The following PMFBP1 variants were observed in gnomAD, a reference collection of about 807,000 sequenced individuals.
PMFBP1 encodes the protein polyamine modulated factor 1 binding protein 1.
Under a neutral mutation model 137.8 loss-of-function variants are expected in PMFBP1, and 131 were observed. The ratio of observed to expected loss-of-function variants is 0.95; its 90% CI spans 0.82 to 1.10. The LOEUF (loss-of-function observed/expected upper bound fraction) is 1.10, where lower values mean the gene tolerates loss of function less well. PMFBP1 is among the 50% of genes least tolerant of loss of function. The pLI is 0.00. For synonymous variants in PMFBP1, 490 were observed against 450.4 expected, an observed-to-expected ratio of 1.09 and a Z score of -1.11; for missense variants, 1,199 against 1,175.4, an observed-to-expected ratio of 1.02 and a Z score of -0.29.
At chr16:72,119,825 A>C in intron 20 of PMFBP1, 26 bp downstream of exon 20, 1 of 1,605,574 alleles carries the variant, frequency 6.2e-7, no homozygotes, top group African/African-American at 1.3e-5. Context: ...AATCACACTT[A>C]TTTTTTTGAC....
chr16:72,185,610 C>T, the PMFBP1 span, among the ~76,000 whole-genome samples: 30 of 152,152 alleles, frequency 2.0e-4, no homozygotes, highest in African/African-American at 6.8e-4. Flanking sequence ...CCAGGGCAGT[C>T]CTCACACTAT....
chr16:72,129,910 G>A (rs60919008), intron 12 of PMFBP1, among the ~76,000 whole-genome samples: 87 of 152,068 alleles, frequency 5.7e-4, no homozygotes, highest in African/African-American at 1.9e-3. Context: ...GCAGTGGTGC[G>A]ATCACAGCTC....
At chr16:72,152,103 T>C (rs1412555972) in intron 4 of PMFBP1, among the ~76,000 whole-genome samples, 4 of 152,234 alleles carry the variant, frequency 2.6e-5, no homozygotes, top group African/African-American at 9.6e-5. Flanking sequence ...CTCATGTGCA[T>C]GCAGGAATCA....
At chr16:72,211,863 G>GGT in the PMFBP1 span, among the ~76,000 whole-genome samples, 1 of 152,200 alleles carries the variant, frequency 6.6e-6, no homozygotes, top group South Asian at 2.1e-4. Flanking sequence ...TGGGTATGGT[G>GGT]GTGTGCACCT....
chr16:72,143,501 G>T (rs889438075), intron 5 of PMFBP1, among the ~76,000 whole-genome samples: 1 of 152,174 alleles, frequency 6.6e-6, no homozygotes, highest in Admixed American at 6.5e-5. Flanking sequence ...CCAGCACTTT[G>T]GGAGGCTGAG....
the PMFBP1 span, among the ~76,000 whole-genome samples, chr16:72,240,134 G>T: frequency 1.3e-5 from 2 of 152,126 alleles, no homozygotes; most frequent in African/African-American, 4.8e-5. Context: ...AGTTATAGAT[G>T]CAAAAATACC....
upstream of PMFBP1, among the ~76,000 whole-genome samples, chr16:72,175,804 C>T (rs1567646576): frequency 6.6e-6 from 1 of 152,022 alleles, no homozygotes; most frequent in South Asian, 2.1e-4. Flanking sequence ...TCTTAGAGCT[C>T]TTAATTATTG....
chr16:72,168,348 C>A (rs1240895584), intron 2 of PMFBP1, among the ~76,000 whole-genome samples: 1 of 152,186 alleles, frequency 6.6e-6, no homozygotes, highest in Non-Finnish European at 1.5e-5. Flanking sequence ...GCTGTGTTCA[C>A]CTCAGAACCC....
At chr16:72,185,828 A>G in the PMFBP1 span, among the ~76,000 whole-genome samples, 1 of 152,178 alleles carries the variant, frequency 6.6e-6, no homozygotes, top group African/African-American at 2.4e-5. Context: ...GAACTGGAAT[A>G]TTTTCAGTCC....
the PMFBP1 span, among the ~76,000 whole-genome samples, chr16:72,242,554 G>T: frequency 2.0e-5 from 3 of 152,158 alleles, no homozygotes; most frequent in Non-Finnish European, 4.4e-5. Flanking sequence ...TTGGGTCTTG[G>T]TAAGAGGGAA....
At chr16:72,231,535 C>T in the PMFBP1 span, among the ~76,000 whole-genome samples, 3 of 152,010 alleles carry the variant, frequency 2.0e-5, no homozygotes, top group African/African-American at 7.2e-5. Context: ...GACTAGCAAA[C>T]AAATAGAGAT....
chr16:72,174,816 C>A (rs1003179280), upstream of PMFBP1, among the ~76,000 whole-genome samples: 1 of 152,164 alleles, frequency 6.6e-6, no homozygotes, highest in Non-Finnish European at 1.5e-5. Context: ...CCCCATGATT[C>A]AATTACCTCC....
Position 72,119,900 on chromosome 16 carries a change from C to T in PMFBP1, c.2958G>A (p.Met986Ile). ...ACTTGGTGAGGTCCATTCTTTGACC[C>T]ATATCCTGGGGCAACCCCTTCCAGC... ...TLGWKGLPQDMGQRMDLTKYI... is the reference protein window; with the variant it reads ...TLGWKGLPQDIGQRMDLTKYI... Residue 986 changes from methionine to isoleucine, a missense_variant, in exon 20 of 21, where the codon ATG (methionine) becomes ATA (isoleucine). Coordinates refer to ENST00000237353, the MANE Select transcript of PMFBP1 (RefSeq NM_031293.3). The T allele has an allele frequency of 6.2e-7, 1 of 1,614,206 alleles. No individual in the cohort carries two copies. The highest frequency in any genetic ancestry group is 1.7e-5 in the Admixed American group (1 of 60,034).
At chr16:72,124,174 C>T (rs774826950) in intron 17 of PMFBP1, among the ~76,000 whole-genome samples, 1 of 152,182 alleles carries the variant, frequency 6.6e-6, no homozygotes, top group Non-Finnish European at 1.5e-5. Flanking sequence ...CCATGCTCAG[C>T]TAACATTTAA....
chr16:72,162,167 G>A (rs976461355), intron 3 of PMFBP1, among the ~76,000 whole-genome samples: 1 of 152,120 alleles, frequency 6.6e-6, no homozygotes, highest in African/African-American at 2.4e-5. Flanking sequence ...CCTGGGCAGG[G>A]CCAGGACTAC....
the PMFBP1 span, among the ~76,000 whole-genome samples, chr16:72,249,190 G>C: frequency 1.3e-5 from 2 of 152,046 alleles, no homozygotes; most frequent in Non-Finnish European, 2.9e-5. Flanking sequence ...CTTGAAAGTA[G>C]GTGCCTCCAT....
At chr16:72,192,084 T>C in the PMFBP1 span, among the ~76,000 whole-genome samples, 1 of 152,202 alleles carries the variant, frequency 6.6e-6, no homozygotes, top group Admixed American at 6.5e-5. Context: ...CTCTGACCCT[T>C]GCCTCTCCCC....
In PMFBP1 at chr16:72,135,360, T is replaced by TGTG. The variant is rs373323912; in HGVS notation, c.1203+1087_1203+1088insCAC. 7.4e-3 allele frequency among the ~76,000 whole-genome samples: 967 copies of TGTG among 130,592 alleles called. 5 individuals carry two copies. The highest frequency in any genetic ancestry group is 0.019 in the Admixed American group (223 of 11,596). 85.7% of individuals were successfully genotyped at this position (130,592 alleles called of 152,430 possible). A position where few individuals can be genotyped will look rare whatever the true frequency, so the allele number is the denominator to read the frequency against. On this transcript the variant is annotated intron_variant, in intron 9 of 20. Coordinates refer to ENST00000237353, the MANE Select transcript of PMFBP1 (RefSeq NM_031293.3). Reference sequence around the variant, plus strand: ...CTGGCTAATTTTGTGTGTGTGTGTGTTTTTTTTTTTTTTTTTTTGTTGTTG... The same window carrying TGTG: ...CTGGCTAATTTTGTGTGTGTGTGTGTGTGTTTTTTTTTTTTTTTTTTGTTGTTG...
chr16:72,164,039 C>T (rs1026107335), intron 3 of PMFBP1, among the ~76,000 whole-genome samples: 1 of 150,044 alleles, frequency 6.7e-6, no homozygotes, highest in African/African-American at 2.5e-5. Flanking sequence ...CATGTAACAA[C>T]AACAACAACA....
Sources: allele counts gnomAD v4.1 joint callset (sites outside exome capture counted in the v4.1 genomes callset), GRCh38; gene constraint gnomAD v4.1.1; transcripts MANE v1.5; gene names NCBI Gene and HGNC (gene_info 2026-07-23, HGNC 2026-07-21).